The following HMBOX1 variants were observed in gnomAD, a reference collection of about 807,000 sequenced individuals.
HMBOX1 encodes the protein homeobox-containing protein 1.
In HMBOX1, 14 loss-of-function variants were observed where a neutral mutation model predicts 54.5. That is an observed-to-expected ratio of 0.26 (90% CI 0.17 to 0.40). HMBOX1 has a LOEUF of 0.40. Among genes scored for constraint, HMBOX1 ranks in the 10% least tolerant of loss-of-function variants. The pLI, the probability that HMBOX1 is intolerant of heterozygous loss-of-function variation, is 1.00. For missense variants in HMBOX1, 332 were observed against 514.4 expected (o/e 0.65, Z 3.43); for synonymous variants, 160 against 181.0 (o/e 0.88, Z 0.93).
chr8:28,959,628 G>T (rs1412228175), intron 1 of HMBOX1, among the ~76,000 whole-genome samples: 1 of 152,028 alleles, frequency 6.6e-6, no homozygotes, highest in Non-Finnish European at 1.5e-5. Flanking sequence ...TAAGTGAAAT[G>T]GTATGTTCTG....
At chr8:28,900,267 A>ATATATATATATATATATAT (rs1243910972) in intron 1 of HMBOX1, among the ~76,000 whole-genome samples, 54 of 54,444 alleles carry the variant, frequency 9.9e-4, no homozygotes, top group Non-Finnish European at 2.0e-3. Flanking sequence ...AAAAAAAAAA[A>ATATATATATATATATATAT]AAAAATATAT....
chr8:29,023,771 C>T (rs1461364046), intron 6 of HMBOX1, among the ~76,000 whole-genome samples: 2 of 152,026 alleles, frequency 1.3e-5, no homozygotes, highest in Admixed American at 6.6e-5. Context: ...TTAAAAAATC[C>T]CCTATTAACC....
intron 1 of HMBOX1, among the ~76,000 whole-genome samples, chr8:28,918,617 A>G (rs1027535186): frequency 3.3e-5 from 5 of 152,228 alleles, no homozygotes; most frequent in Non-Finnish European, 7.3e-5. Flanking sequence ...TAACCTCTAT[A>G]GGGTCTCTAA....
intron 5 of HMBOX1, among the ~76,000 whole-genome samples, chr8:29,014,943 G>C (rs146350074): frequency 3.3e-5 from 5 of 152,150 alleles, no homozygotes; most frequent in African/African-American, 1.2e-4. Context: ...GCCTCCTAAA[G>C]TGCTGGGATT....
chr8:29,021,593 T>C (rs1477637692), intron 6 of HMBOX1, among the ~76,000 whole-genome samples: 1 of 151,928 alleles, frequency 6.6e-6, no homozygotes, highest in Non-Finnish European at 1.5e-5. Flanking sequence ...CGGTGGCTCA[T>C]GTCTGTAATC....
At chr8:28,984,672 A>G (rs1430593734) in intron 4 of HMBOX1, among the ~76,000 whole-genome samples, 1 of 152,166 alleles carries the variant, frequency 6.6e-6, no homozygotes. Flanking sequence ...CTCACTAACA[A>G]TGGTGGGTTG....
chr8:29,050,798 T>G, intron 9 of HMBOX1: 1 of 529,130 alleles, frequency 1.9e-6, no homozygotes, highest in East Asian at 3.1e-5. Context: ...AAACATTTTT[T>G]GTGCTTTTTA....
chr8:29,038,552 T>A (rs1804291336), intron 6 of HMBOX1, among the ~76,000 whole-genome samples: 1 of 152,216 alleles, frequency 6.6e-6, no homozygotes, highest in African/African-American at 2.4e-5. Flanking sequence ...TTTATCCACT[T>A]GGTAACAGAA....
Position 28,903,458 on chromosome 8 carries a change from C to T in HMBOX1, c.-58+12780C>T, listed in dbSNP as rs191713590. Among the ~76,000 whole-genome samples the T allele has an allele frequency of 4.9e-3, 741 of 152,346 alleles. 22 individuals are homozygous for T. Among genetic ancestry groups the T allele is most frequent in the Admixed American group, 0.044 (678 of 15,304 alleles). The stretch of plus-strand genomic sequence containing the variant: ...TAAGCTTTCTCCTCGTGCCACTATT[C>T]CAACCATCTGAGAATTGTTTCTTGC... On this transcript the variant is annotated intron_variant, in intron 1 of 9. Coordinates refer to ENST00000287701, the MANE Select transcript of HMBOX1 (RefSeq NM_001135726.3).
chr8:28,924,150 AGGCTGGAGTGCAGTGGAATGATCTT>A (rs1818013588), intron 1 of HMBOX1, among the ~76,000 whole-genome samples: 1 of 147,844 alleles, frequency 6.8e-6, no homozygotes, highest in Non-Finnish European at 1.5e-5. Flanking sequence ...TCTGTCGCCC[AGGCTGGAGTGCAGTGGAATGATCTT>A]GGCTCACTGC....
At chr8:29,016,043 T>C (rs1834944988) in intron 5 of HMBOX1, among the ~76,000 whole-genome samples, 1 of 152,340 alleles carries the variant, frequency 6.6e-6, no homozygotes, top group Admixed American at 6.5e-5. Context: ...TTCCATCACA[T>C]GCTATAAGAA....
At chr8:28,929,263 G>A (rs903408001) in intron 1 of HMBOX1, among the ~76,000 whole-genome samples, 2 of 152,162 alleles carry the variant, frequency 1.3e-5, no homozygotes, top group African/African-American at 2.4e-5. Flanking sequence ...AATCTTCATC[G>A]TAAGAGCAGT....
intron 3 of HMBOX1, among the ~76,000 whole-genome samples, chr8:28,979,850 A>G (rs1829053197): frequency 6.6e-6 from 1 of 152,226 alleles, no homozygotes; most frequent in South Asian, 2.1e-4. Flanking sequence ...TGTGGTCTTC[A>G]CTAAAGCGTC....
chr8:29,002,564 A>G (rs1416132738), intron 4 of HMBOX1, among the ~76,000 whole-genome samples: 2 of 151,998 alleles, frequency 1.3e-5, no homozygotes, highest in Non-Finnish European at 2.9e-5. Flanking sequence ...ACCATTAAAT[A>G]TTGCCCATAT....
intron 2 of HMBOX1, among the ~76,000 whole-genome samples, 177 bp downstream of exon 2, chr8:28,964,067 T>C (rs1175006792): frequency 1.3e-5 from 2 of 152,204 alleles, no homozygotes; most frequent in African/African-American, 4.8e-5. Context: ...GTCATGATCA[T>C]GTGGTGAGAA....
intron 1 of HMBOX1, among the ~76,000 whole-genome samples, chr8:28,893,206 T>A (rs1811387212): frequency 6.6e-6 from 1 of 152,030 alleles, no homozygotes; most frequent in South Asian, 2.1e-4. Flanking sequence ...TTGTTGGGGG[T>A]GATTCTGTTG....
intron 6 of HMBOX1, among the ~76,000 whole-genome samples, chr8:29,029,519 T>G (rs892322641): frequency 2.6e-5 from 4 of 152,236 alleles, no homozygotes; most frequent in African/African-American, 9.6e-5. Flanking sequence ...AGGTGTAAGC[T>G]GAGAGCCTTC....
In HMBOX1 at chr8:28,902,578, A is replaced by G. The variant is rs183725977; in HGVS notation, c.-58+11900A>G. On this transcript the variant is annotated intron_variant, in intron 1 of 9. Transcript: ENST00000287701. ...GGGAAAACATAATGTCTCCTTAGGC[A>G]TCTCCCTGTCTCTGTGTGGTCTCTT... 2.0e-3 allele frequency among the ~76,000 whole-genome samples: 304 copies of G among 152,268 alleles called. 2 individuals are homozygous for G. Among genetic ancestry groups the G allele is most frequent in the Non-Finnish European group, 8.1e-4 (55 of 68,014 alleles).
chr8:28,971,226 G>A (rs1827365210), intron 3 of HMBOX1, among the ~76,000 whole-genome samples: 1 of 151,564 alleles, frequency 6.6e-6, no homozygotes, highest in Admixed American at 6.6e-5. Context: ...CCGAGTAGCT[G>A]GGGTTACAGG....
Sources: gnomAD v4.1 joint callset for allele counts (sites outside exome capture counted in the v4.1 genomes callset) on GRCh38, gnomAD v4.1.1 for gene constraint, MANE v1.5 for transcripts, NCBI Gene and HGNC (gene_info 2026-07-23, HGNC 2026-07-21) for gene names.